Variants in PAPSS1 observed in about 807,000 individuals in gnomAD.
PAPSS1 encodes the protein bifunctional 3'-phosphoadenosine 5'-phosphosulfate synthase 1.
In PAPSS1, 50 loss-of-function variants were observed where a neutral mutation model predicts 72.0. The ratio of observed to expected loss-of-function variants is 0.69; its 90% CI spans 0.55 to 0.88. The LOEUF (loss-of-function observed/expected upper bound fraction) is 0.88. Among genes scored for constraint, PAPSS1 ranks in the 40% least tolerant of loss-of-function variants. The pLI, the probability that PAPSS1 is intolerant of heterozygous loss-of-function variation, is 0.00. For synonymous variants in PAPSS1, 261 were observed against 263.6 expected, an observed-to-expected ratio of 0.99 and a Z score of 0.09; for missense variants, 657 against 782.2, an observed-to-expected ratio of 0.84 and a Z score of 1.91.
chr4:107,681,207 G>C (rs568293213), intron 5 of PAPSS1, among the ~76,000 whole-genome samples: 3 of 152,074 alleles, frequency 2.0e-5, no homozygotes, highest in Non-Finnish European at 4.4e-5. Flanking sequence ...CCCACAGTTA[G>C]GACAGAATGA....
chr4:107,694,000 G>T lies in PAPSS1; in HGVS notation c.182C>A (p.Ser61Tyr). ...RGCTVWLTGL[S>Y]GAGKTTVSMA... The stretch of plus-strand genomic sequence containing the variant: ...GCTCACAGTAGTCTTTCCCGCTCCA[G>T]ACAAGCCTAAAATTAAACAGTCCAA... The change falls in exon 3 of 12, where the codon TCT (serine) becomes TAT (tyrosine). Residue 61 changes from serine (S) to tyrosine (Y), a missense_variant. Physicochemically the swap from Ser to Tyr is moderately radical, Grantham distance 144 (BLOSUM62 -2). Coordinates refer to ENST00000265174, the MANE Select transcript of PAPSS1 (RefSeq NM_005443.5). The T allele has an allele frequency of 6.2e-7, 1 of 1,608,752 alleles. No individual in the cohort carries two copies. Among genetic ancestry groups the T allele is most frequent in the South Asian group, 1.1e-5 (1 of 90,944 alleles).
intron 7 of PAPSS1, 104 bp from the exon 8 acceptor site, chr4:107,655,004 G>C (rs1726962203): frequency 3.9e-6 from 3 of 768,158 alleles, no homozygotes; most frequent in South Asian, 3.6e-5. Flanking sequence ...ATAATAAAAG[G>C]CTGTAGATCC....
chr4:107,620,062 T>C (rs1187075123), intron 11 of PAPSS1, among the ~76,000 whole-genome samples: 2 of 152,238 alleles, frequency 1.3e-5, no homozygotes, highest in African/African-American at 4.8e-5. Context: ...AGAGCCACCA[T>C]TACAAGTTGC....
At chr4:107,676,088 G>A (rs1727636685) in intron 5 of PAPSS1, among the ~76,000 whole-genome samples, 1 of 151,966 alleles carries the variant, frequency 6.6e-6, no homozygotes, top group African/African-American at 2.4e-5. Flanking sequence ...TACTGAATGG[G>A]CAAAAACTGG....
At chr4:107,653,775 G>C in intron 8 of PAPSS1, 149 bp from the exon 9 acceptor site, 1 of 532,202 alleles carries the variant, frequency 1.9e-6, no homozygotes, top group Non-Finnish European at 3.1e-6. Flanking sequence ...CATTAGAGAT[G>C]CTATAAAATT....
chr4:107,620,452 A>T lies in PAPSS1; in HGVS notation c.1737-6065T>A, dbSNP rs757843625. On this transcript the variant is annotated intron_variant, in intron 11 of 11. Transcript: ENST00000265174. Reference sequence around the variant, plus strand: ...TTTCAAACCAAAGACCAATTGAAAGACATGAAAAATTGAATTATCTAAAAT... The same window carrying T: ...TTTCAAACCAAAGACCAATTGAAAGTCATGAAAAATTGAATTATCTAAAAT... 6.0e-4 allele frequency among the ~76,000 whole-genome samples: 91 copies of T among 152,374 alleles called. 1 individual carries two copies. Among genetic ancestry groups the T allele is most frequent in the South Asian group, 2.1e-4 (1 of 4,826 alleles).
At chr4:107,716,784 G>C (rs1330898588) in intron 1 of PAPSS1, among the ~76,000 whole-genome samples, 3 of 152,168 alleles carry the variant, frequency 2.0e-5, no homozygotes, top group South Asian at 4.1e-4. Flanking sequence ...ACAGGTATAT[G>C]GACAACTTTA....
chr4:107,685,186 G>GT (rs1320572637), intron 4 of PAPSS1, among the ~76,000 whole-genome samples: 8 of 152,204 alleles, frequency 5.3e-5, no homozygotes, highest in African/African-American at 1.4e-4. Flanking sequence ...ATTGGCAAAT[G>GT]TGTGTTCAAC....
At chr4:107,631,116 G>A (rs1320312599) in intron 11 of PAPSS1, among the ~76,000 whole-genome samples, 1 of 152,004 alleles carries the variant, frequency 6.6e-6, no homozygotes, top group African/African-American at 2.4e-5. Context: ...CCATCCCCAA[G>A]GTACCTCATT....
chr4:107,634,217 T>C (rs1230540229), intron 10 of PAPSS1, among the ~76,000 whole-genome samples: 1 of 152,034 alleles, frequency 6.6e-6, no homozygotes, highest in Non-Finnish European at 1.5e-5. Flanking sequence ...GGTCTTGCCA[T>C]GTTCCCCAGG....
intron 5 of PAPSS1, among the ~76,000 whole-genome samples, chr4:107,671,375 GA>G: frequency 6.6e-6 from 1 of 151,600 alleles, no homozygotes; most frequent in East Asian, 1.9e-4. Context: ...GGGCCCCAAA[GA>G]AGTGATTATG....
At chr4:107,713,550 G>A (rs2125942908) in intron 1 of PAPSS1, among the ~76,000 whole-genome samples, 1 of 152,180 alleles carries the variant, frequency 6.6e-6, no homozygotes, top group African/African-American at 2.4e-5. Flanking sequence ...ACGAGGTCAA[G>A]AGATCGAGAC....
At chr4:107,679,155 G>T (rs1727735950) in intron 5 of PAPSS1, among the ~76,000 whole-genome samples, 1 of 152,140 alleles carries the variant, frequency 6.6e-6, no homozygotes, top group Non-Finnish European at 1.5e-5. Flanking sequence ...TCACGCCTAA[G>T]ACTGAAGGTG....
At chr4:107,641,666 A>C (rs1726547156) in intron 10 of PAPSS1, among the ~76,000 whole-genome samples, 1 of 152,192 alleles carries the variant, frequency 6.6e-6, no homozygotes, top group African/African-American at 2.4e-5. Flanking sequence ...GCACTCATAA[A>C]ATAGGTACTT....
intron 2 of PAPSS1, among the ~76,000 whole-genome samples, chr4:107,699,002 G>A (rs1723142404): frequency 6.6e-6 from 1 of 152,088 alleles, no homozygotes; most frequent in African/African-American, 2.4e-5. Context: ...GGAAGGCATA[G>A]GGTGGGGGCA....
chr4:107,715,014 C>T (rs998901988), intron 1 of PAPSS1, among the ~76,000 whole-genome samples: 1 of 151,968 alleles, frequency 6.6e-6, no homozygotes, highest in African/African-American at 2.4e-5. Context: ...AATACATAAA[C>T]ACACAGATAA....
chr4:107,689,766 C>G (rs775948926), intron 3 of PAPSS1, among the ~76,000 whole-genome samples: 3 of 152,064 alleles, frequency 2.0e-5, no homozygotes, highest in Non-Finnish European at 2.9e-5. Context: ...ACTCTAAAAC[C>G]AATTTCCTAG....
chr4:107,677,195 TA>T (rs1727676366), intron 5 of PAPSS1, among the ~76,000 whole-genome samples: 1 of 152,228 alleles, frequency 6.6e-6, no homozygotes, highest in South Asian at 2.1e-4. Context: ...GGGATCTAAT[TA>T]AACTCAAGAG....
intron 10 of PAPSS1, among the ~76,000 whole-genome samples, chr4:107,644,119 T>G (rs1726631637): frequency 6.6e-6 from 1 of 152,016 alleles, no homozygotes; most frequent in Non-Finnish European, 1.5e-5. Flanking sequence ...CTCTTTCGGG[T>G]AGTGAGGAGA....
Sources: gnomAD v4.1 joint callset for allele counts (sites outside exome capture counted in the v4.1 genomes callset) on GRCh38, gnomAD v4.1.1 for gene constraint, MANE v1.5 for transcripts, NCBI Gene and HGNC (gene_info 2026-07-23, HGNC 2026-07-21) for gene names.